ATRNL1: variants seen among roughly 807,000 people sequenced by gnomAD.
ATRNL1 encodes the protein attractin-like protein 1.
A neutral mutation model predicts 182.7 loss-of-function variants in ATRNL1; 95 were observed. That is an observed-to-expected ratio of 0.52 (90% CI 0.44 to 0.62). The LOEUF is 0.62. ATRNL1 is among the 20% of genes least tolerant of loss of function. ATRNL1 has a pLI of 0.00. For synonymous variants in ATRNL1, 576 were observed against 568.3 expected (o/e 1.01, Z -0.19); for missense variants, 1,471 against 1,679.5 (o/e 0.88, Z 2.17).
chr10:115,664,220 A>C (rs1009488174), intron 26 of ATRNL1, among the ~76,000 whole-genome samples: 2 of 152,162 alleles, frequency 1.3e-5, no homozygotes, highest in African/African-American at 4.8e-5. Context: ...GAAGCCTCAC[A>C]GTCAGTATTA....
At chr10:115,702,007 T>C (rs997047519) in intron 26 of ATRNL1, among the ~76,000 whole-genome samples, 1 of 151,572 alleles carries the variant, frequency 6.6e-6, no homozygotes, top group Non-Finnish European at 1.5e-5. Flanking sequence ...AAGAAAGTTA[T>C]GCAAAATTCC....
At chr10:115,363,336 A>G (rs1477209048) in intron 19 of ATRNL1, among the ~76,000 whole-genome samples, 8 of 150,342 alleles carry the variant, frequency 5.3e-5, no homozygotes, top group African/African-American at 9.8e-5. Context: ...GTGTCTGTTC[A>G]TGTCCTTTGC....
intron 26 of ATRNL1, among the ~76,000 whole-genome samples, chr10:115,689,862 G>T (rs1203346940): frequency 6.6e-6 from 1 of 152,166 alleles, no homozygotes; most frequent in African/African-American, 2.4e-5. Context: ...CACCATCAGT[G>T]GGGGCACAGT....
At chr10:115,440,459 T>G (rs989480529) in intron 21 of ATRNL1, among the ~76,000 whole-genome samples, 1 of 151,920 alleles carries the variant, frequency 6.6e-6, no homozygotes, top group Non-Finnish European at 1.5e-5. Context: ...AAATACCAAA[T>G]TCAAATATCT....
intron 19 of ATRNL1, among the ~76,000 whole-genome samples, chr10:115,343,637 A>G (rs1208650288): frequency 1.3e-5 from 2 of 151,958 alleles, no homozygotes; most frequent in Non-Finnish European, 2.9e-5. Flanking sequence ...CTGGTGGCTT[A>G]TCTATTTCAT....
At chr10:115,430,384 T>G (rs1846101020) in intron 21 of ATRNL1, among the ~76,000 whole-genome samples, 2 of 152,166 alleles carry the variant, frequency 1.3e-5, no homozygotes, top group Non-Finnish European at 2.9e-5. Context: ...TGTTTGTTGT[T>G]GTTTTGCCTA....
Position 115,127,604 on chromosome 10 carries a change from T to A in ATRNL1, c.503T>A (p.Val168Asp). 1.9e-6 allele frequency: 3 copies of A among 1,609,342 alleles called. No individual in the cohort carries two copies. Among genetic ancestry groups the A allele is most frequent in the Non-Finnish European group, 2.5e-6 (3 of 1,177,658 alleles). Residue 168 changes from valine (V) to aspartate (D), a missense_variant, in exon 4 of 29, where the codon GTC becomes GAC. Val to Asp is a radical substitution (Grantham distance 152). This residue lies in a region of ATRNL1 where 1,031 missense variants were observed against 1,156.0 expected (regional missense o/e 0.89). Coordinates refer to ENST00000355044, the MANE Select transcript of ATRNL1 (RefSeq NM_207303.4). ...TTGTTCTCTTTTAGTGGTTTGATAG[T>A]CCCTGAAATAAGGGGCAATGAAACT... ...PLIAVLSGLIVPEIRGNETVP... is the reference protein window; with the variant it reads ...PLIAVLSGLIDPEIRGNETVP...
chr10:115,428,621 C>T (rs1368607268), intron 21 of ATRNL1, among the ~76,000 whole-genome samples: 2 of 151,956 alleles, frequency 1.3e-5, no homozygotes, highest in Non-Finnish European at 2.9e-5. Context: ...GCATTTCCTG[C>T]ATTAATTTAT....
intron 28 of ATRNL1, among the ~76,000 whole-genome samples, chr10:115,873,418 A>G (rs1555106545): frequency 6.6e-6 from 1 of 152,218 alleles, no homozygotes; most frequent in African/African-American, 2.4e-5. Flanking sequence ...GAAGCTATAT[A>G]CTGTATGATT....
chr10:115,105,201 ATTTTTTT>A (rs373831413), intron 1 of ATRNL1, among the ~76,000 whole-genome samples: 1 of 151,756 alleles, frequency 6.6e-6, no homozygotes, highest in Non-Finnish European at 1.5e-5. Context: ...ATATCTTTCC[ATTTTTTT>A]TGGTGTCTTC....
intron 18 of ATRNL1, among the ~76,000 whole-genome samples, chr10:115,328,582 C>T (rs1306652916): frequency 2.6e-5 from 4 of 152,074 alleles, no homozygotes; most frequent in African/African-American, 9.7e-5. Context: ...ATCTCCCCCT[C>T]CTCCTATTCT....
chr10:115,413,826 G>T (rs1252231783), intron 20 of ATRNL1, among the ~76,000 whole-genome samples: 3 of 151,994 alleles, frequency 2.0e-5, no homozygotes, highest in African/African-American at 7.2e-5. Flanking sequence ...CCAAGATCTT[G>T]GTGCTAGGTA....
chr10:115,822,710 A>C (rs533085716), intron 27 of ATRNL1, among the ~76,000 whole-genome samples: 1 of 152,188 alleles, frequency 6.6e-6, no homozygotes, highest in Admixed American at 6.5e-5. Context: ...GGACACATAC[A>C]CCCTTCCAAG....
At chr10:115,294,302 A>G (rs550722551) in intron 15 of ATRNL1, among the ~76,000 whole-genome samples, 35 of 152,328 alleles carry the variant, frequency 2.3e-4, no homozygotes, top group African/African-American at 8.2e-4. Context: ...CCTAGGCAAC[A>G]TAGCAAGATC....
intron 22 of ATRNL1, among the ~76,000 whole-genome samples, chr10:115,465,409 G>C (rs1848004554): frequency 6.6e-6 from 1 of 151,610 alleles, no homozygotes; most frequent in South Asian, 2.1e-4. Context: ...TGACATAAAA[G>C]TATTCTGCAT....
intron 26 of ATRNL1, among the ~76,000 whole-genome samples, chr10:115,688,660 T>G (rs1946295612): frequency 6.6e-6 from 1 of 151,774 alleles, no homozygotes; most frequent in Non-Finnish European, 1.5e-5. Context: ...TTTAATGAGG[T>G]TTTTTTTGAA....
At chr10:115,180,631 TTAGAC>T (rs1444254309) in intron 8 of ATRNL1, among the ~76,000 whole-genome samples, 1 of 151,876 alleles carries the variant, frequency 6.6e-6, no homozygotes, top group East Asian at 1.9e-4. Flanking sequence ...GGGCAAGAGA[TTAGAC>T]TAGTATCAGA....
At chr10:115,934,253 T>A (rs2134601788) in intron 28 of ATRNL1, among the ~76,000 whole-genome samples, 1 of 152,202 alleles carries the variant, frequency 6.6e-6, no homozygotes, top group South Asian at 2.1e-4. Flanking sequence ...AGAAACAAAC[T>A]TCGATTTTGT....
intron 10 of ATRNL1, among the ~76,000 whole-genome samples, chr10:115,253,891 T>G (rs1173606769): frequency 6.6e-6 from 1 of 152,074 alleles, no homozygotes; most frequent in Non-Finnish European, 1.5e-5. Context: ...TGGTGTTTGG[T>G]TTTCTTTCCT....
Sources: gnomAD v4.1 joint callset for allele counts (sites outside exome capture counted in the v4.1 genomes callset) on GRCh38, gnomAD v4.1.1 for gene constraint, gnomAD v4.1.1 regional missense constraint, MANE v1.5 for transcripts, NCBI Gene and HGNC (gene_info 2026-07-23, HGNC 2026-07-21) for gene names.